Variants in AHI1 observed in about 807,000 individuals in gnomAD.
AHI1 encodes the protein Abelson helper integration site 1, also known as jouberin.
In AHI1, 123 loss-of-function variants were observed where a neutral mutation model predicts 149.3. That is an observed-to-expected ratio of 0.82 (90% confidence interval 0.71 to 0.96). AHI1 has a LOEUF of 0.96. Among genes scored for constraint, AHI1 ranks in the 40% least tolerant of loss-of-function variants. The pLI is 0.00. For missense variants in AHI1, 1,439 were observed against 1,422.7 expected (o/e 1.01, Z -0.18); for synonymous variants, 475 against 459.8 (o/e 1.03, Z -0.42).
intron 20 of AHI1, among the ~76,000 whole-genome samples, chr6:135,420,613 A>T (rs1259527894): frequency 6.6e-6 from 1 of 152,164 alleles, no homozygotes; most frequent in African/African-American, 2.4e-5. Context: ...AGCCGCTGCT[A>T]GTTTCAAACT....
chr6:135,390,348 AG>A (rs1778303103), intron 23 of AHI1, among the ~76,000 whole-genome samples: 2 of 152,262 alleles, frequency 1.3e-5, no homozygotes, highest in South Asian at 4.1e-4. Flanking sequence ...CTCAGGAAAT[AG>A]GATGTCCTCC....
At chr6:135,297,329 ACT>A (rs951340395) in intron 27 of AHI1, 6 of 407,248 alleles carry the variant, frequency 1.5e-5, no homozygotes, top group Non-Finnish European at 2.4e-5. Flanking sequence ...GTCTCCTCCC[ACT>A]CTCTCCCCTC....
At chr6:135,312,548 C>T (rs944418806) in intron 26 of AHI1, among the ~76,000 whole-genome samples, 1 of 151,966 alleles carries the variant, frequency 6.6e-6, no homozygotes, top group Non-Finnish European at 1.5e-5. Flanking sequence ...AACCAACCAA[C>T]CAAGCAACCA....
intron 26 of AHI1, chr6:135,302,227 T>C: frequency 3.0e-6 from 3 of 985,358 alleles, no homozygotes; most frequent in Non-Finnish European, 1.2e-6. Context: ...ACCATCAATA[T>C]AGGTATATAT....
At chr6:135,492,555 G>A in intron 3 of AHI1, 1 of 981,996 alleles carries the variant, frequency 1.0e-6, no homozygotes, top group East Asian at 1.1e-4. Context: ...TTTGAAGGCA[G>A]TGCACATCTA....
intron 23 of AHI1, among the ~76,000 whole-genome samples, chr6:135,369,629 C>T (rs1774730941): frequency 6.6e-6 from 1 of 152,174 alleles, no homozygotes; most frequent in South Asian, 2.1e-4. Context: ...ATCCATTTCA[C>T]AGGGACACAC....
chr6:135,377,654 A>T (rs1206707343), intron 23 of AHI1, among the ~76,000 whole-genome samples: 3 of 151,612 alleles, frequency 2.0e-5, no homozygotes, highest in African/African-American at 7.3e-5. Flanking sequence ...TACTTTTTAA[A>T]TTTTTTTGTA....
At chr6:135,324,936 T>A (rs1388238937) in intron 24 of AHI1, among the ~76,000 whole-genome samples, 1 of 152,198 alleles carries the variant, frequency 6.6e-6, no homozygotes, top group Non-Finnish European at 1.5e-5. Context: ...TTAATTCAAC[T>A]GGCTCAAATG....
rs561015906 is a variant in AHI1, at chr6:135,338,240, C to T, written c.3166-14916G>A. On this transcript the variant is annotated intron_variant, in intron 24 of 28. Transcript: ENST00000265602. ...ACTTGAACCTGGGAGGCGGAGGTTG[C>T]AGTGAGCTGAGATCGCACCACTGAA... is the stretch of plus-strand genomic sequence containing the variant. Among the ~76,000 whole-genome samples the T allele has an allele frequency of 1.3e-4, 19 of 141,360 alleles. No individual in the cohort carries two copies. The East Asian group carries it at 3.9e-3, about 29-fold the overall frequency. The allele number at this position is 141,360 out of a possible 152,430, so 92.7% of individuals were successfully genotyped here.
chr6:135,389,570 T>C (rs1208974308), intron 23 of AHI1, among the ~76,000 whole-genome samples: 1 of 152,174 alleles, frequency 6.6e-6, no homozygotes, highest in Non-Finnish European at 1.5e-5. Flanking sequence ...AAGCTATTCA[T>C]AGTTTTAAAA....
chr6:135,332,226 T>C (rs954139997), intron 24 of AHI1, among the ~76,000 whole-genome samples: 1 of 152,112 alleles, frequency 6.6e-6, no homozygotes, highest in Non-Finnish European at 1.5e-5. Context: ...TGCACCACTA[T>C]GCCCAGCTAA....
intron 26 of AHI1, among the ~76,000 whole-genome samples, chr6:135,309,307 A>C (rs1784873864): frequency 1.3e-5 from 2 of 152,186 alleles, no homozygotes; most frequent in Non-Finnish European, 1.5e-5. Context: ...TGGGACACTT[A>C]TCTCTCTAGA....
chr6:135,319,390 G>A (rs780215362), intron 25 of AHI1, among the ~76,000 whole-genome samples: 3 of 152,128 alleles, frequency 2.0e-5, no homozygotes, highest in Non-Finnish European at 2.9e-5. Context: ...CATGGGAATT[G>A]TTTGAACCTG....
chr6:135,415,447 C>T (rs1044294348), intron 20 of AHI1, among the ~76,000 whole-genome samples: 4 of 152,268 alleles, frequency 2.6e-5, no homozygotes, highest in Admixed American at 2.6e-4. Context: ...AAAAGTGTTC[C>T]TATTTCTCCA....
At chr6:135,470,882 C>A (rs1023274245) in intron 5 of AHI1, among the ~76,000 whole-genome samples, 3 of 152,112 alleles carry the variant, frequency 2.0e-5, no homozygotes, top group Admixed American at 2.0e-4. Flanking sequence ...ACCTATGTAA[C>A]AAACTTGCAA....
At position 135,293,829 on chromosome 6, in the gene AHI1, CA is replaced by C. The variant is rs1189536613; in HGVS notation, c.3486-3305del. Among the ~76,000 whole-genome samples, 4 of 152,098 alleles carry C rather than the reference CA, an allele frequency of 2.6e-5. No individual in the cohort carries two copies. The South Asian group carries it at 8.3e-4, about 32-fold the overall frequency. On this transcript the variant is annotated intron_variant, in intron 27 of 28. Transcript: ENST00000265602. ...TCCAAATTAGTATCTGGATTAAATGCAATATCAATTGGAATATGCTATAGAA... is the reference window on the plus strand; with the variant it reads ...TCCAAATTAGTATCTGGATTAAATGCATATCAATTGGAATATGCTATAGAA...
chr6:135,436,763 G>A (rs1276964705), intron 15 of AHI1, among the ~76,000 whole-genome samples: 1 of 151,936 alleles, frequency 6.6e-6, no homozygotes, highest in Non-Finnish European at 1.5e-5. Context: ...CACCACACCC[G>A]GCTTATTTTT....
At chr6:135,321,949 C>T (rs1329096404) in intron 25 of AHI1, among the ~76,000 whole-genome samples, 1 of 152,020 alleles carries the variant, frequency 6.6e-6, no homozygotes, top group Admixed American at 6.6e-5. Flanking sequence ...TTATAGGTGC[C>T]CACCACCACG....
At position 135,344,252 on chromosome 6, in the gene AHI1, G is replaced by A. The variant is rs182729546; in HGVS notation, c.3165+13880C>T. Among the ~76,000 whole-genome samples, 381 of 151,246 alleles carry A rather than the reference G, an allele frequency of 2.5e-3. 5 individuals are homozygous for A. Among genetic ancestry groups the A allele is most frequent in the African/African-American group, 8.5e-3 (349 of 41,268 alleles). ...GTAGTTGGCTGAATCTGTGAATGCA[G>A]AACCTACAGACACGGAGGGCTAAAT... On this transcript the variant is annotated intron_variant, in intron 24 of 28. Transcript: ENST00000265602.
Sources: gnomAD v4.1 joint callset for allele counts (sites outside exome capture counted in the v4.1 genomes callset) on GRCh38, gnomAD v4.1.1 for gene constraint, MANE v1.5 for transcripts, NCBI Gene and HGNC (gene_info 2026-07-23, HGNC 2026-07-21) for gene names.